Variants in GGA2 observed in about 807,000 individuals in gnomAD.
The protein encoded by GGA2 is ADP-ribosylation factor-binding protein GGA2.
Under a neutral mutation model 79.5 loss-of-function variants are expected in GGA2, and 48 were observed. The ratio of observed to expected loss-of-function variants is 0.60; its 90% CI spans 0.48 to 0.77. The LOEUF is 0.77. GGA2 is among the 30% of genes least tolerant of loss of function. The probability of loss-of-function intolerance (pLI) is 0.00; values close to 1 mark genes in which losing one functional copy is unlikely to be tolerated. For synonymous variants in GGA2, 317 were observed against 302.0 expected (o/e 1.05, Z -0.51); for missense variants, 770 against 774.0 (o/e 0.99, Z 0.06).
At chr16:23,476,924 A>T (rs554420008) in intron 13 of GGA2, among the ~76,000 whole-genome samples, 17 of 152,198 alleles carry the variant, frequency 1.1e-4, no homozygotes, top group Non-Finnish European at 2.2e-4. Flanking sequence ...CGACTTAGGA[A>T]AAGAAGTAAA....
chr16:23,494,495 T>A, intron 2 of GGA2, 117 bp from the exon 3 acceptor site: 1 of 766,508 alleles, frequency 1.3e-6, no homozygotes, highest in Non-Finnish European at 2.3e-6. Flanking sequence ...AAAGCAGAGG[T>A]GGAGCGTGCC....
Position 23,495,772 on chromosome 16 carries a change from GC to G in GGA2, c.97del (p.Ala33ProfsTer21). 5.6e-6 allele frequency: 9 copies of G among 1,607,428 alleles called. No individual in the cohort carries two copies. The highest frequency in any genetic ancestry group is 6.8e-6 in the Non-Finnish European group (8 of 1,174,626). On this transcript the variant is annotated frameshift_variant, in exon 2 of 17. Coordinates refer to ENST00000309859, the MANE Select transcript of GGA2 (RefSeq NM_015044.4). LOFTEE classifies it high-confidence loss of function. ...CTGTTCCGACATGCTTGGGTCTGTGGCTTTGTCTGTCAAATAAATAATAAAG... is the reference window on the plus strand; with the variant it reads ...CTGTTCCGACATGCTTGGGTCTGTGGTTTGTCTGTCAAATAAATAATAAAG... ...AASLELWLNK[A>X]TDPSMSEQDW...
intron 1 of GGA2, among the ~76,000 whole-genome samples, chr16:23,503,724 T>C (rs1244413774): frequency 6.6e-6 from 1 of 152,204 alleles, no homozygotes; most frequent in African/African-American, 2.4e-5. Context: ...AAAACGGATT[T>C]TCCTATGGGG....
intron 12 of GGA2, 172 bp from the exon 13 acceptor site, chr16:23,478,673 G>A: frequency 1.3e-6 from 1 of 755,502 alleles, no homozygotes; most frequent in Non-Finnish European, 2.3e-6. Flanking sequence ...CTCCTGGGCA[G>A]ACCTCCAGGA....
At position 23,482,937 on chromosome 16, in the gene GGA2, T is replaced by C. The variant is rs1397313121; in HGVS notation, c.866A>G (p.Asp289Gly). The C allele has an allele frequency of 1.2e-6, 2 of 1,606,326 alleles. No homozygotes were observed. Among genetic ancestry groups the C allele is most frequent in the South Asian group, 2.2e-5 (2 of 90,910 alleles). ...AGAAAACTTACCGAGTGCATCATCG[T>C]CATCAGTGGTGTCACTCGCCAACCG... ...LFRLASDTTD[D>G]DDALAEILQA... Residue 289 changes from aspartate to glycine, a missense_variant, in exon 9 of 17, where the codon GAC (aspartate) becomes GGC (glycine). Transcript: ENST00000309859.
intron 8 of GGA2, among the ~76,000 whole-genome samples, chr16:23,483,808 C>T (rs540396403): frequency 2.6e-5 from 4 of 151,692 alleles, no homozygotes; most frequent in African/African-American, 9.7e-5. Context: ...CCACCACGCC[C>T]GGCTGATACT....
At position 23,467,548 on chromosome 16, in the gene GGA2, C is replaced by T. The variant is rs781364790; in HGVS notation, c.*42G>A. On this transcript the variant is annotated 3_prime_UTR_variant, in exon 17 of 17. Transcript: ENST00000309859. Reference sequence around the variant, plus strand: ...AGTCCTGACTAGACAGCAAAAGTAACGCCAGCCTAAGCTTGAAATGAAGGG... The same window carrying T: ...AGTCCTGACTAGACAGCAAAAGTAATGCCAGCCTAAGCTTGAAATGAAGGG... 1.5e-5 allele frequency: 15 copies of T among 996,172 alleles called. No homozygotes were observed. The highest frequency in any genetic ancestry group is 7.9e-5 in the African/African-American group (5 of 63,496). 61.7% of individuals were successfully genotyped at this position (996,172 alleles called of 1,614,324 possible).
intron 1 of GGA2, among the ~76,000 whole-genome samples, chr16:23,497,811 G>A (rs796754521): frequency 3.3e-5 from 5 of 152,244 alleles, no homozygotes; most frequent in African/African-American, 7.2e-5. Context: ...ACTTGGACTC[G>A]CTGAGCCTCA....
chr16:23,478,441 C>T lies in GGA2; in HGVS notation c.1219G>A (p.Gly407Ser), dbSNP rs760267372. ...TCTGCAGAAGGGTTCTGAACACCAC[C>T]GCCTGGCAGCGTGCTGGAGGAGGGA... ...RNPSSSTLPG[G>S]GVQNPSADRN... The change falls in exon 13 of 17, where the codon GGT becomes AGT. Residue 407 changes from glycine (G) to serine (S), a missense_variant. Gly to Ser is a moderately conservative substitution (Grantham distance 56, BLOSUM62 0). Transcript: ENST00000309859. 22 of 1,611,354 alleles carry T rather than the reference C, an allele frequency of 1.4e-5. No individual in the cohort carries two copies. Among genetic ancestry groups the T allele is most frequent in the Admixed American group, 3.3e-5 (2 of 59,826 alleles).
chr16:23,493,513 C>A (rs779385670), intron 3 of GGA2, 55 bp from the exon 4 acceptor site: 15 of 1,129,826 alleles, frequency 1.3e-5, no homozygotes, highest in African/African-American at 3.0e-5. Flanking sequence ...TCCCAGGCTC[C>A]CCTCCAGGCT....
chr16:23,497,316 A>C (rs1964869001), intron 1 of GGA2, among the ~76,000 whole-genome samples: 1 of 152,026 alleles, frequency 6.6e-6, no homozygotes. Flanking sequence ...TGCCCTATCC[A>C]TATTCTTCCA....
intron 14 of GGA2, among the ~76,000 whole-genome samples, chr16:23,474,417 G>A (rs943609856): frequency 3.3e-5 from 5 of 152,060 alleles, no homozygotes; most frequent in Non-Finnish European, 7.4e-5. Flanking sequence ...GAGTGTGGTG[G>A]CATGATCTTG....
rs900319369 is a variant in GGA2 at position 23,510,186 on chromosome 16, C to T, written c.91+135G>A. The stretch of plus-strand genomic sequence containing the variant: ...GACCCCTGGGCGATCTTCCCCACCG[C>T]GCCGGGCCCAGGCCCCCTACCCGGC... On this transcript the variant is annotated intron_variant, in intron 1 of 16. Coordinates refer to ENST00000309859, the MANE Select transcript of GGA2 (RefSeq NM_015044.4). 73 of 430,796 alleles carry T rather than the reference C, an allele frequency of 1.7e-4. 1 individual carries two copies. The East Asian group carries it at 2.7e-3, about 16-fold the overall frequency. 26.7% of individuals were successfully genotyped at this position (430,796 alleles called of 1,614,324 possible). A position where few individuals can be genotyped will look rare whatever the true frequency, so the allele number is the denominator to read the frequency against.
intron 14 of GGA2, among the ~76,000 whole-genome samples, chr16:23,473,379 C>T (rs1964539127): frequency 9.3e-6 from 1 of 107,388 alleles, no homozygotes; most frequent in Non-Finnish European, 1.8e-5. Flanking sequence ...CTCTGTTGCT[C>T]AGACTGAAGC....
At position 23,465,177 on chromosome 16, in the gene GGA2, G is replaced by A. The variant is rs549902261; in HGVS notation, c.*2413C>T. ...CTAGCTTTTAAAAAAACAGAGACAC[G>A]GTCTCACTATGTAGCCCAGGCTGGA... On this transcript the variant is annotated 3_prime_UTR_variant, in exon 17 of 17. Coordinates refer to ENST00000309859, the MANE Select transcript of GGA2 (RefSeq NM_015044.4). The A allele has an allele frequency of 5.2e-5, 31 of 596,936 alleles. No homozygotes were observed. The highest frequency in any genetic ancestry group is 8.0e-5 in the South Asian group (4 of 49,788). 37.0% of individuals were successfully genotyped at this position (596,936 alleles called of 1,614,324 possible).
chr16:23,473,390 G>A (rs376003356), intron 14 of GGA2, among the ~76,000 whole-genome samples: 136 of 120,238 alleles, frequency 1.1e-3, no homozygotes, highest in Non-Finnish European at 1.9e-3. Context: ...AGACTGAAGC[G>A]CAGTGGCACG....
intron 2 of GGA2, among the ~76,000 whole-genome samples, chr16:23,516,099 C>G (rs1330492968): frequency 6.6e-6 from 1 of 152,100 alleles, no homozygotes; most frequent in African/African-American, 2.4e-5. Context: ...CCTCAACTGC[C>G]TGGGCTCAAG....
In GGA2 at chr16:23,467,422, A is replaced by ACACACACACACACACACACACAC; in HGVS notation, c.*167_*168insGTGTGTGTGTGTGTGTGTGTGTG. The ACACACACACACACACACACACAC allele has an allele frequency of 6.5e-6, 4 of 610,752 alleles. No individual in the cohort carries two copies. Among genetic ancestry groups the ACACACACACACACACACACACAC allele is most frequent in the Non-Finnish European group, 8.9e-6 (3 of 337,194 alleles). The allele number at this position is 610,752 out of a possible 1,614,324, so 37.8% of individuals were successfully genotyped here. ...CACACACACACACACACACACACAC[A>ACACACACACACACACACACACAC]CACACACACACAGAGCATCTGCAGA... On this transcript the variant is annotated 3_prime_UTR_variant, in exon 17 of 17. Coordinates refer to ENST00000309859, the MANE Select transcript of GGA2 (RefSeq NM_015044.4).
At position 23,465,185 on chromosome 16, in the gene GGA2, T is replaced by A; in HGVS notation, c.*2405A>T. The A allele has an allele frequency of 3.3e-6, 2 of 609,044 alleles. No homozygotes were observed. Among genetic ancestry groups the A allele is most frequent in the Non-Finnish European group, 5.9e-6 (2 of 341,106 alleles). 37.7% of individuals were successfully genotyped at this position (609,044 alleles called of 1,614,324 possible). A position where few individuals can be genotyped will look rare whatever the true frequency, so the allele number is the denominator to read the frequency against. ...TAAAAAAACAGAGACACGGTCTCACTATGTAGCCCAGGCTGGACTTGAAAT... is the reference window on the plus strand; with the variant it reads ...TAAAAAAACAGAGACACGGTCTCACAATGTAGCCCAGGCTGGACTTGAAAT... On this transcript the variant is annotated 3_prime_UTR_variant, in exon 17 of 17. Transcript: ENST00000309859.
Sources: gnomAD v4.1 joint callset for allele counts (sites outside exome capture counted in the v4.1 genomes callset) on GRCh38, gnomAD v4.1.1 for gene constraint, MANE v1.5 for transcripts, NCBI Gene and HGNC (gene_info 2026-07-23, HGNC 2026-07-21) for gene names.